The following LHX4 variants were observed in gnomAD, a reference collection of about 807,000 sequenced individuals.
LHX4 encodes LIM homeobox 4, also known as LIM/homeobox protein Lhx4.
Under a neutral mutation model 39.2 loss-of-function variants are expected in LHX4, and 16 were observed. That is an observed-to-expected ratio of 0.41 (90% CI 0.28 to 0.62). LHX4 has a LOEUF of 0.62. Among genes scored for constraint, LHX4 ranks in the 20% least tolerant of loss-of-function variants. The probability of loss-of-function intolerance (pLI) is 0.33; values close to 1 mark genes in which losing one functional copy is unlikely to be tolerated. For missense variants in LHX4, 439 were observed against 511.9 expected, an observed-to-expected ratio of 0.86 and a Z score of 1.37; for synonymous variants, 206 against 198.1, an observed-to-expected ratio of 1.04 and a Z score of -0.33.
intron 1 of LHX4, among the ~76,000 whole-genome samples, chr1:180,234,000 C>T (rs916058559): frequency 6.6e-6 from 1 of 150,908 alleles, no homozygotes; most frequent in Non-Finnish European, 1.5e-5. Context: ...GTTGCAGATC[C>T]GAGTCCCCGG....
At chr1:180,246,634 C>T (rs1424546193) in intron 1 of LHX4, among the ~76,000 whole-genome samples, 1 of 152,136 alleles carries the variant, frequency 6.6e-6, no homozygotes, top group Non-Finnish European at 1.5e-5. Flanking sequence ...TCACTTGAAC[C>T]CAGGAGGTGA....
rs139155359 is a variant in LHX4, at chr1:180,274,234, C to T, written c.828C>T (p.Asn276=). The part of the protein sequence containing the change: ...ELGHTNRIYG[N]VGDVTGGQLM... ...GCCACACCAATAGGATTTATGGCAA[C>T]GTGGGGGACGTTACAGGCGGACAGT... The change falls in exon 6 of 6, where the codon AAC becomes AAT. Residue 276 remains asparagine, a synonymous_variant. Transcript: ENST00000263726. 33 of 1,614,194 alleles carry T rather than the reference C, an allele frequency of 2.0e-5. No homozygotes were observed. The highest frequency in any genetic ancestry group is 7.7e-5 in the South Asian group (7 of 91,090).
At position 180,258,339 on chromosome 1, in the gene LHX4, C is replaced by T. The variant is rs190252704; in HGVS notation, c.249-8053C>T. On this transcript the variant is annotated intron_variant, in intron 2 of 5. Transcript: ENST00000263726. ...GCAGTGCCCGGGCCCCAGGAGGAGG[C>T]GGAGTGGACTGGGCAGTGGAGGAGG... Among the ~76,000 whole-genome samples the T allele has an allele frequency of 2.3e-3, 347 of 152,198 alleles. 1 individual carries two copies. Among genetic ancestry groups the T allele is most frequent in the African/African-American group, 7.6e-3 (317 of 41,542 alleles).
In LHX4 at chr1:180,276,661, C is replaced by T. The variant is rs1440039018; in HGVS notation, c.*2082C>T. 2.6e-5 allele frequency: 4 copies of T among 152,134 alleles called. No homozygotes were observed. Among genetic ancestry groups the T allele is most frequent in the Non-Finnish European group, 5.9e-5 (4 of 68,020 alleles). 9.4% of individuals were successfully genotyped at this position (152,134 alleles called of 1,614,324 possible). A position where few individuals can be genotyped will look rare whatever the true frequency, so the allele number is the denominator to read the frequency against. On this transcript the variant is annotated 3_prime_UTR_variant, in exon 6 of 6. Transcript: ENST00000263726. ...GGCTTTTTAAATACACCCTTCTTAGCAGGCTGCTTAAAATACACAGGAGAA... is the reference window on the plus strand; with the variant it reads ...GGCTTTTTAAATACACCCTTCTTAGTAGGCTGCTTAAAATACACAGGAGAA...
At chr1:180,260,378 GC>G (rs1475804159) in intron 2 of LHX4, among the ~76,000 whole-genome samples, 2 of 151,792 alleles carry the variant, frequency 1.3e-5, no homozygotes, top group Admixed American at 6.5e-5. Flanking sequence ...CTCGGTCCCT[GC>G]AGGGCCTGCC....
At chr1:180,258,591 G>T (rs1287572296) in intron 2 of LHX4, among the ~76,000 whole-genome samples, 1 of 152,182 alleles carries the variant, frequency 6.6e-6, no homozygotes, top group Non-Finnish European at 1.5e-5. Flanking sequence ...GCTGATGGCA[G>T]CCCAAGCTAG....
intron 1 of LHX4, among the ~76,000 whole-genome samples, chr1:180,236,333 G>T (rs1451583027): frequency 3.3e-5 from 5 of 152,126 alleles, no homozygotes; most frequent in Non-Finnish European, 5.9e-5. Context: ...GGTGTAGACA[G>T]CCTCAAGTCC....
chr1:180,271,165 G>A (rs1458042518), intron 3 of LHX4: 2 of 627,064 alleles, frequency 3.2e-6, no homozygotes, highest in Non-Finnish European at 5.8e-6. Flanking sequence ...AGAAAGGACT[G>A]CTGTCCTCAC....
chr1:180,244,597 G>A (rs1009650656), intron 1 of LHX4, among the ~76,000 whole-genome samples: 5 of 152,116 alleles, frequency 3.3e-5, no homozygotes, highest in African/African-American at 1.2e-4. Context: ...TAAATTTTAT[G>A]GGCATATATC....
chr1:180,271,349 G>T (rs376940376), intron 3 of LHX4, 31 bp from the exon 4 acceptor site: 35 of 1,613,810 alleles, frequency 2.2e-5, no homozygotes, highest in Admixed American at 8.3e-5. Flanking sequence ...CAGATAGGCC[G>T]AAGCCAGTAA....
rs1266804309 is a variant in LHX4, at chr1:180,248,432, T to A, written c.224T>A (p.Val75Asp). The change falls in exon 2 of 6, where the codon GTC (valine) becomes GAC (aspartate). Residue 75 changes from valine to aspartate, a missense_variant. By Grantham distance (152) the Val-to-Asp change is radical. Coordinates refer to ENST00000263726, the MANE Select transcript of LHX4 (RefSeq NM_033343.4). ...ADRCFSRAGS[V>D]YCKEDFFKRF... Reference sequence around the variant, plus strand: ...AGGTGCTTCTCCAGGGCTGGGAGCGTCTACTGCAAGGAGGACTTCTTCAAG... The same window carrying A: ...AGGTGCTTCTCCAGGGCTGGGAGCGACTACTGCAAGGAGGACTTCTTCAAG... The A allele has an allele frequency of 6.2e-7, 1 of 1,614,182 alleles. No individual in the cohort carries two copies. Among genetic ancestry groups the A allele is most frequent in the South Asian group, 1.1e-5 (1 of 91,088 alleles).
At chr1:180,242,204 C>CT (rs1003517223) in intron 1 of LHX4, among the ~76,000 whole-genome samples, 7 of 151,412 alleles carry the variant, frequency 4.6e-5, no homozygotes, top group East Asian at 1.9e-4. Context: ...TCAGAATTGG[C>CT]TTTTTTTTTC....
rs569461130 is a variant in LHX4 at position 180,244,118 on chromosome 1, C to T, written c.77-4167C>T. On this transcript the variant is annotated intron_variant, in intron 1 of 5. Transcript: ENST00000263726. ...TTGAGAGTGGCTCACTGACGTAATA[C>T]ACACTCAAGCCCTGACGTGGCTCAT... is the stretch of plus-strand genomic sequence containing the variant. Among the ~76,000 whole-genome samples, 3 of 152,306 alleles carry T rather than the reference C, an allele frequency of 2.0e-5. No individual in the cohort carries two copies. In the East Asian group the frequency reaches 5.8e-4, roughly 29 times the overall value.
intron 3 of LHX4, chr1:180,270,906 C>CGTATCATTAAAAAAAGAA: frequency 4.2e-6 from 1 of 238,406 alleles, no homozygotes; most frequent in Non-Finnish European, 8.4e-6. Context: ...CCAGCGACGC[C>CGTATCATTAAAAAAAGAA]AGGGCAAAGG....
chr1:180,254,761 C>T (rs1647774087), intron 2 of LHX4, among the ~76,000 whole-genome samples: 1 of 152,210 alleles, frequency 6.6e-6, no homozygotes, highest in African/African-American at 2.4e-5. Context: ...CCTCGCTTTC[C>T]CATCTCTACA....
intron 2 of LHX4, among the ~76,000 whole-genome samples, chr1:180,251,215 T>A (rs978384556): frequency 6.6e-6 from 1 of 152,218 alleles, no homozygotes; most frequent in African/African-American, 2.4e-5. Flanking sequence ...CGGCGCTCCC[T>A]TCCAGTCCTA....
In LHX4 at chr1:180,274,273, C is replaced by G. The variant is rs779152539; in HGVS notation, c.867C>G (p.Ser289Arg). 1 of 1,614,088 alleles carries G rather than the reference C, an allele frequency of 6.2e-7. No individual in the cohort carries two copies. The highest frequency in any genetic ancestry group is 1.3e-5 in the African/African-American group (1 of 74,938). Residue 289 changes from serine (S) to arginine (R), a missense_variant, in exon 6 of 6, where the codon AGC becomes AGG. By Grantham distance (110) the Ser-to-Arg change is moderately radical. Transcript: ENST00000263726. ...CAGGCGGACAGTTAATGAATGGGAG[C>G]TTCTCCATGGACGGGACAGGACAAT... ...DVTGGQLMNG[S>R]FSMDGTGQSY...
chr1:180,254,082 C>A (rs557271522), intron 2 of LHX4, among the ~76,000 whole-genome samples: 1 of 152,234 alleles, frequency 6.6e-6, no homozygotes, highest in Non-Finnish European at 1.5e-5. Flanking sequence ...CCTTCAAGGA[C>A]AATCCAGGCT....
chr1:180,274,702 A>G lies in LHX4; in HGVS notation c.*123A>G. The G allele has an allele frequency of 8.5e-7, 1 of 1,175,266 alleles. No individual in the cohort carries two copies. The highest frequency in any genetic ancestry group is 1.2e-6 in the Non-Finnish European group (1 of 843,234). 72.8% of individuals were successfully genotyped at this position (1,175,266 alleles called of 1,614,324 possible). ...GTGAATTTCCATTATTTTCAATGGAAGTCCTCCGCTGATTCCTAGAAGGCT... is the reference window on the plus strand; with the variant it reads ...GTGAATTTCCATTATTTTCAATGGAGGTCCTCCGCTGATTCCTAGAAGGCT... On this transcript the variant is annotated 3_prime_UTR_variant, in exon 6 of 6. Coordinates refer to ENST00000263726, the MANE Select transcript of LHX4 (RefSeq NM_033343.4).
Sources: allele counts gnomAD v4.1 joint callset (sites outside exome capture counted in the v4.1 genomes callset), GRCh38; gene constraint gnomAD v4.1.1; transcripts MANE v1.5; gene names NCBI Gene and HGNC (gene_info 2026-07-23, HGNC 2026-07-21).